FGF14: variants seen among roughly 807,000 people sequenced by gnomAD.
The protein encoded by FGF14 is fibroblast growth factor homologous factor 4.
Under a neutral mutation model 25.5 loss-of-function variants are expected in FGF14, and 5 were observed. The ratio of observed to expected loss-of-function variants is 0.20; its 90% confidence interval spans 0.10 to 0.41. The LOEUF is 0.41. Among genes scored for constraint, FGF14 ranks in the 10% least tolerant of loss-of-function variants. The pLI is 1.00. For missense variants in FGF14, 222 were observed against 320.1 expected (o/e 0.69, Z 2.34); for synonymous variants, 138 against 118.3 (o/e 1.17, Z -1.08).
At chr13:102,121,254 T>G (rs2045711642) in intron 1 of FGF14, among the ~76,000 whole-genome samples, 1 of 152,100 alleles carries the variant, frequency 6.6e-6, no homozygotes, top group Non-Finnish European at 1.5e-5. Flanking sequence ...TCAGGAATCT[T>G]ACTGTGGGGC....
At chr13:102,186,493 T>C (rs530358478) in intron 1 of FGF14, among the ~76,000 whole-genome samples, 2 of 152,080 alleles carry the variant, frequency 1.3e-5, no homozygotes, top group Non-Finnish European at 2.9e-5. Context: ...TTAAAAGCAA[T>C]AAAAATCTTT....
intron 1 of FGF14, among the ~76,000 whole-genome samples, chr13:101,968,678 A>AAAAAAAC (rs1484635563): frequency 6.6e-6 from 1 of 151,628 alleles, no homozygotes; most frequent in East Asian, 1.9e-4. Flanking sequence ...GTCTCCAAAA[A>AAAAAAAC]AAAAAAAAAA....
intron 1 of FGF14, among the ~76,000 whole-genome samples, chr13:101,999,893 G>T (rs1379384850): frequency 6.6e-6 from 1 of 152,092 alleles, no homozygotes; most frequent in African/African-American, 2.4e-5. Context: ...CTCAAAGGGG[G>T]TTTCTCCATA....
chr13:102,241,817 T>A (rs140974450), intron 1 of FGF14, among the ~76,000 whole-genome samples: 1 of 152,144 alleles, frequency 6.6e-6, no homozygotes, highest in Non-Finnish European at 1.5e-5. Context: ...AAAGCTCTGA[T>A]ACAGCAAATA....
At chr13:101,870,687 G>A (rs541651285) in intron 2 of FGF14, among the ~76,000 whole-genome samples, 26 of 152,214 alleles carry the variant, frequency 1.7e-4, no homozygotes, top group East Asian at 7.7e-4. Flanking sequence ...GGTATTGGCC[G>A]GGCGTGGTGT....
At chr13:102,152,556 T>C (rs772445835) in intron 1 of FGF14, among the ~76,000 whole-genome samples, 20 of 152,136 alleles carry the variant, frequency 1.3e-4, no homozygotes, top group Admixed American at 3.9e-4. Context: ...CCGAATACAG[T>C]TGCATTTTGG....
chr13:101,852,251 C>T (rs866834630), intron 3 of FGF14, among the ~76,000 whole-genome samples: 5 of 151,924 alleles, frequency 3.3e-5, no homozygotes, highest in Non-Finnish European at 7.4e-5. Flanking sequence ...GTCAAGAAAA[C>T]GTGGGTCTAT....
intron 1 of FGF14, among the ~76,000 whole-genome samples, chr13:102,290,775 T>C (rs1475643573): frequency 6.6e-6 from 1 of 152,128 alleles, no homozygotes; most frequent in African/African-American, 2.4e-5. Context: ...CCAGAGCAGA[T>C]TTATTGCTGC....
chr13:102,151,914 A>G (rs940209975), intron 1 of FGF14, among the ~76,000 whole-genome samples: 5 of 152,196 alleles, frequency 3.3e-5, no homozygotes, highest in African/African-American at 1.2e-4. Flanking sequence ...CTAGTATTTC[A>G]TAAATGTTAG....
At chr13:101,867,954 T>A (rs1345858655) in intron 3 of FGF14, among the ~76,000 whole-genome samples, 18 of 151,610 alleles carry the variant, frequency 1.2e-4, no homozygotes, top group Admixed American at 1.2e-3. Context: ...ACACAATATG[T>A]GTATATTTAT....
At chr13:102,326,737 AGGAAGGAAGGAAGGAAAGAGGGAG>A (rs1460241884) in intron 1 of FGF14, among the ~76,000 whole-genome samples, 1,960 of 102,704 alleles carry the variant, frequency 0.019, 65 homozygotes, top group Non-Finnish European at 0.022. Context: ...GAAGGAAGGA[AGGAAGGAAGGAAGGAAAGAGGGAG>A]GGAAGGAAGG....
chr13:102,060,848 A>G (rs1397288388), intron 1 of FGF14, among the ~76,000 whole-genome samples: 3 of 152,100 alleles, frequency 2.0e-5, no homozygotes, highest in Non-Finnish European at 4.4e-5. Context: ...ACTCTGGCCC[A>G]TCACGCTCCC....
In FGF14 at chr13:101,883,078, G is replaced by A. The variant is rs376194509; in HGVS notation, c.194-7782C>T. On this transcript the variant is annotated intron_variant, in intron 1 of 4. Coordinates refer to ENST00000376143, the MANE Select transcript of FGF14 (RefSeq NM_004115.4). ...GACAGGAAAAACATTTAAACCAGAT[G>A]TTATGTACAGAAAGAAAGAAAAGAA... Among the ~76,000 whole-genome samples, 7 of 152,248 alleles carry A rather than the reference G, an allele frequency of 4.6e-5. No individual in the cohort carries two copies. The South Asian group carries it at 6.2e-4, about 14-fold the overall frequency.
chr13:101,730,278 A>T (rs886551583), intron 3 of FGF14, among the ~76,000 whole-genome samples: 1 of 152,174 alleles, frequency 6.6e-6, no homozygotes, highest in South Asian at 2.1e-4. Context: ...CACAAAATGA[A>T]CCTGAAAGTT....
chr13:101,847,595 T>C (rs550536718), intron 3 of FGF14, among the ~76,000 whole-genome samples: 37 of 152,214 alleles, frequency 2.4e-4, no homozygotes, highest in African/African-American at 4.1e-4. Flanking sequence ...ATTGGGGTGA[T>C]TGATGGAAAT....
Position 102,326,754 on chromosome 13 carries a change from A to AAG in FGF14, c.208+74716_208+74717insCT, listed in dbSNP as rs1566939231. ...AGGAAGGAAGGAAGGAAGGAAGGAA[A>AAG]GAGGGAGGGAAGGAAGGAAGAAAAA... On this transcript the variant is annotated intron_variant, in intron 1 of 4. Transcript: ENST00000376131. 3.6e-3 allele frequency among the ~76,000 whole-genome samples: 275 copies of AAG among 76,724 alleles called. 15 individuals carry two copies. Among genetic ancestry groups the AAG allele is most frequent in the African/African-American group, 0.012 (221 of 18,564 alleles). The allele number at this position is 76,724 out of a possible 152,430, so 50.3% of individuals were successfully genotyped here. A position where few individuals can be genotyped will look rare whatever the true frequency, so the allele number is the denominator to read the frequency against.
intron 1 of FGF14, among the ~76,000 whole-genome samples, chr13:101,961,312 T>C (rs1263627752): frequency 1.3e-5 from 2 of 152,238 alleles, no homozygotes; most frequent in Non-Finnish European, 2.9e-5. Context: ...AGGGTTTTTA[T>C]AGTTTTGGGT....
intron 3 of FGF14, among the ~76,000 whole-genome samples, chr13:101,772,069 T>C (rs74992361): frequency 0.023 from 3,526 of 152,208 alleles, 84 homozygotes; most frequent in Non-Finnish European, 0.032. Context: ...ACATGAATTA[T>C]TGTGTTCAGG....
intron 3 of FGF14, among the ~76,000 whole-genome samples, chr13:101,800,918 C>G (rs7319685): frequency 0.41 from 62,456 of 152,040 alleles, 15,171 homozygotes; most frequent in Non-Finnish European, 0.54. Flanking sequence ...ACCTTCATAT[C>G]ATTATGCACT....
Sources: allele counts gnomAD v4.1 joint callset (sites outside exome capture counted in the v4.1 genomes callset), GRCh38; gene constraint gnomAD v4.1.1; transcripts MANE v1.5; gene names NCBI Gene and HGNC (gene_info 2026-07-23, HGNC 2026-07-21).